Variants in SLC14A2 observed in about 807,000 individuals in gnomAD.
SLC14A2 encodes solute carrier family 14 member 2.
A neutral mutation model predicts 104.6 loss-of-function variants in SLC14A2; 91 were observed. The observed-to-expected ratio is 0.87, with a 90% confidence interval of 0.73 to 1.04. SLC14A2 has a LOEUF of 1.04. SLC14A2 is among the 50% of genes least tolerant of loss of function. The pLI is 0.00. For missense variants in SLC14A2, 1,189 were observed against 1,156.0 expected, an observed-to-expected ratio of 1.03 and a Z score of -0.41; for synonymous variants, 476 against 466.4, an observed-to-expected ratio of 1.02 and a Z score of -0.27.
chr18:45,225,873 C>A (rs1244607322), intron 1 of SLC14A2, among the ~76,000 whole-genome samples: 1 of 152,106 alleles, frequency 6.6e-6, no homozygotes. Flanking sequence ...TGCTTATCAG[C>A]TTAAGGAGAT....
intron 1 of SLC14A2, among the ~76,000 whole-genome samples, chr18:45,415,838 T>C (rs1052590783): frequency 1.6e-4 from 24 of 152,160 alleles, no homozygotes; most frequent in Non-Finnish European, 2.4e-4. Flanking sequence ...ATTGTCTGCT[T>C]GACCTTTGGC....
rs551548977 is a variant in SLC14A2 at position 45,485,586 on chromosome 18, G to A, written c.-35+2264G>A. 2.6e-5 allele frequency among the ~76,000 whole-genome samples: 4 copies of A among 152,294 alleles called. No individual in the cohort carries two copies. In the East Asian group the frequency reaches 7.7e-4, roughly 29 times the overall value. The stretch of plus-strand genomic sequence containing the variant: ...AAGAAAATGGGTGCCCTCCAGTTTG[G>A]TATGTTTGGAAACAACACTGTGTGG... On this transcript the variant is annotated intron_variant, in intron 2 of 20. Coordinates refer to the SLC14A2 transcript ENST00000586448.
intron 1 of SLC14A2, among the ~76,000 whole-genome samples, chr18:45,454,831 T>A (rs1466932162): frequency 6.6e-6 from 1 of 152,236 alleles, no homozygotes; most frequent in East Asian, 1.9e-4. Flanking sequence ...TGGCGTTATT[T>A]CTGAGGCCTC....
intron 1 of SLC14A2, among the ~76,000 whole-genome samples, chr18:45,293,850 G>A (rs147041006): frequency 6.6e-6 from 1 of 152,122 alleles, no homozygotes; most frequent in African/African-American, 2.4e-5. Flanking sequence ...AAATGTATGG[G>A]GCCAAAGTAT....
At chr18:45,355,377 C>G (rs1197607300) in intron 1 of SLC14A2, among the ~76,000 whole-genome samples, 2 of 151,892 alleles carry the variant, frequency 1.3e-5, no homozygotes, top group African/African-American at 4.8e-5. Context: ...AGTTCGAGAC[C>G]AGCCTGACCA....
chr18:45,376,056 C>T (rs1161659275), intron 1 of SLC14A2, among the ~76,000 whole-genome samples: 1 of 114 alleles, frequency 8.8e-3, no homozygotes, highest in Non-Finnish European at 0.017. Context: ...GGAGGTTGGG[C>T]CACACCCCCG....
chr18:45,455,856 A>G (rs958019982), intron 1 of SLC14A2, among the ~76,000 whole-genome samples: 1 of 152,192 alleles, frequency 6.6e-6, no homozygotes, highest in Non-Finnish European at 1.5e-5. Flanking sequence ...TTGAAGCAAG[A>G]TATAGGAGAA....
At chr18:45,587,273 T>C (rs2044580641) in intron 2 of SLC14A2, among the ~76,000 whole-genome samples, 1 of 152,188 alleles carries the variant, frequency 6.6e-6, no homozygotes, top group African/African-American at 2.4e-5. Context: ...CATTCTTTAA[T>C]TGTTAAATTA....
intron 1 of SLC14A2, among the ~76,000 whole-genome samples, chr18:45,397,443 G>A (rs1184525703): frequency 6.6e-6 from 1 of 152,122 alleles, no homozygotes; most frequent in Non-Finnish European, 1.5e-5. Flanking sequence ...TCATATGTTT[G>A]TTGGCTGAAT....
At chr18:45,228,831 G>A (rs2084145762) in intron 1 of SLC14A2, among the ~76,000 whole-genome samples, 1 of 152,072 alleles carries the variant, frequency 6.6e-6, no homozygotes, top group African/African-American at 2.4e-5. Flanking sequence ...AGAGGCTTTG[G>A]GAGGCTCCAG....
At chr18:45,576,477 G>A (rs548170486) in intron 2 of SLC14A2, among the ~76,000 whole-genome samples, 2 of 152,066 alleles carry the variant, frequency 1.3e-5, no homozygotes, top group East Asian at 1.9e-4. Flanking sequence ...GTAGAGACGG[G>A]TTTCACCATA....
intron 1 of SLC14A2, among the ~76,000 whole-genome samples, chr18:45,218,042 C>A (rs193071822): frequency 6.6e-6 from 1 of 152,120 alleles, no homozygotes; most frequent in Non-Finnish European, 1.5e-5. Context: ...ATAAAATTTA[C>A]CATTTTAACG....
intron 1 of SLC14A2, among the ~76,000 whole-genome samples, chr18:45,272,065 A>G (rs2084656935): frequency 6.6e-6 from 1 of 152,142 alleles, no homozygotes; most frequent in African/African-American, 2.4e-5. Flanking sequence ...AGTCTTTTCA[A>G]TAAGTGGTGC....
chr18:45,268,964 T>TTGTGTGTGTGTGTGTGTGTGTGTGTG (rs3050837), intron 1 of SLC14A2, among the ~76,000 whole-genome samples: 98 of 143,560 alleles, frequency 6.8e-4, no homozygotes, highest in East Asian at 5.9e-3. Context: ...GTTGGTGTGT[T>TTGTGTGTGTGTGTGTGTGTGTGTGTG]TGTGTGTGTG....
At chr18:45,656,662 G>A (rs1354810847) in intron 10 of SLC14A2, among the ~76,000 whole-genome samples, 1 of 152,186 alleles carries the variant, frequency 6.6e-6, no homozygotes, top group Non-Finnish European at 1.5e-5. Context: ...CGCAGTTAGA[G>A]ATGGGGTGCT....
intron 2 of SLC14A2, among the ~76,000 whole-genome samples, chr18:45,585,322 T>C (rs1320523853): frequency 6.6e-6 from 1 of 152,204 alleles, no homozygotes. Context: ...TAGCATATCA[T>C]TTAGTGATAT....
chr18:45,243,624 A>G (rs1316388494), intron 1 of SLC14A2, among the ~76,000 whole-genome samples: 1 of 152,228 alleles, frequency 6.6e-6, no homozygotes, highest in East Asian at 1.9e-4. Flanking sequence ...CTGTAAATGT[A>G]TTCCGAGTTT....
chr18:45,671,205 A>G (rs2046128955), intron 16 of SLC14A2, among the ~76,000 whole-genome samples: 2 of 152,164 alleles, frequency 1.3e-5, no homozygotes, highest in Admixed American at 1.3e-4. Context: ...TTGAGAAGAA[A>G]TTTTGAAATT....
intron 1 of SLC14A2, among the ~76,000 whole-genome samples, chr18:45,273,602 G>A (rs2084672857): frequency 1.3e-5 from 2 of 152,092 alleles, no homozygotes; most frequent in South Asian, 4.1e-4. Flanking sequence ...GAAAGGAGTG[G>A]CCAAGAGGAG....
Sources: allele counts gnomAD v4.1 joint callset (sites outside exome capture counted in the v4.1 genomes callset), GRCh38; gene constraint gnomAD v4.1.1; transcripts MANE v1.5; gene names NCBI Gene and HGNC (gene_info 2026-07-23, HGNC 2026-07-21).